Variants in GPAM observed in about 807,000 individuals in gnomAD.
The protein encoded by GPAM is glycerol-3-phosphate acyltransferase, mitochondrial.
GPAM carries 56 observed loss-of-function variants against 105.0 expected under a neutral mutation model. The observed-to-expected ratio is 0.53, with a 90% CI of 0.43 to 0.67. GPAM has a LOEUF of 0.67. Ranked by LOEUF, GPAM falls within the 30% of genes least tolerant of loss-of-function variation. The probability of loss-of-function intolerance (pLI) is 0.00; values close to 1 mark genes in which losing one functional copy is unlikely to be tolerated. For synonymous variants in GPAM, 368 were observed against 354.4 expected (o/e 1.04, Z -0.43); for missense variants, 855 against 989.8 (o/e 0.86, Z 1.83).
At chr10:112,194,440 A>T (rs1239343691) in intron 1 of GPAM, among the ~76,000 whole-genome samples, 2 of 152,228 alleles carry the variant, frequency 1.3e-5, no homozygotes, top group African/African-American at 4.8e-5. Context: ...CTCTGCGGAC[A>T]CTATGTCTTT....
chr10:112,191,199 G>C (rs1235928687), intron 1 of GPAM, among the ~76,000 whole-genome samples: 2 of 152,218 alleles, frequency 1.3e-5, no homozygotes, highest in Non-Finnish European at 2.9e-5. Context: ...GGACAGCCTA[G>C]AATGGAAAGT....
chr10:112,184,930 A>G (rs1482902785), upstream of GPAM, among the ~76,000 whole-genome samples: 1 of 152,230 alleles, frequency 6.6e-6, no homozygotes, highest in African/African-American at 2.4e-5. Context: ...ATAATCATGT[A>G]TGAAGAAAAG....
intron 1 of GPAM, among the ~76,000 whole-genome samples, chr10:112,194,723 G>C (rs1288370275): frequency 6.6e-6 from 1 of 152,068 alleles, no homozygotes; most frequent in East Asian, 1.9e-4. Flanking sequence ...TCCCAGCTCT[G>C]GGTGTAAAGA....
the GPAM span, among the ~76,000 whole-genome samples, chr10:112,226,400 A>G: frequency 6.6e-6 from 1 of 152,162 alleles, no homozygotes; most frequent in Non-Finnish European, 1.5e-5. Flanking sequence ...AGTGTGAGCC[A>G]TTTCCCACTG....
In GPAM at chr10:112,152,201, T is replaced by C; in HGVS notation, c.*1349A>G. ...TCTGGAAAAATTCTTAATTCCATAA[T>C]ATCTTGGAGATAAGCAACAGTAAAC... On this transcript the variant is annotated 3_prime_UTR_variant, in exon 22 of 22. Coordinates refer to ENST00000348367, the MANE Select transcript of GPAM (RefSeq NM_001244949.2). 1.0e-6 allele frequency: 1 copy of C among 976,628 alleles called. No individual in the cohort carries two copies. 60.5% of individuals were successfully genotyped at this position (976,628 alleles called of 1,614,324 possible).
chr10:112,179,241 G>A (rs976749537), intron 4 of GPAM, among the ~76,000 whole-genome samples: 1 of 152,164 alleles, frequency 6.6e-6, no homozygotes, highest in South Asian at 2.1e-4. Context: ...ATTGTCTGTT[G>A]TACTATCTAC....
chr10:112,219,561 C>A (rs574316050), upstream of GPAM, among the ~76,000 whole-genome samples: 70 of 152,300 alleles, frequency 4.6e-4, no homozygotes, highest in African/African-American at 1.6e-3. Flanking sequence ...ACTCCAAAAT[C>A]CATAATTTTT....
intron 1 of GPAM, among the ~76,000 whole-genome samples, chr10:112,208,434 T>A: frequency 6.6e-6 from 1 of 152,228 alleles, no homozygotes; most frequent in Middle Eastern, 3.2e-3. Context: ...AAGTGGATAC[T>A]TGAGGCATTA....
chr10:112,226,838 T>C, the GPAM span, among the ~76,000 whole-genome samples: 1 of 152,160 alleles, frequency 6.6e-6, no homozygotes, highest in South Asian at 2.1e-4. Context: ...CGAGGGGTTT[T>C]ATGCCCTGAG....
intron 1 of GPAM, among the ~76,000 whole-genome samples, chr10:112,209,535 A>C (rs1847888277): frequency 1.3e-5 from 2 of 152,186 alleles, no homozygotes; most frequent in South Asian, 2.1e-4. Flanking sequence ...CCTCTCCCAC[A>C]TTGCCTGCAG....
chr10:112,180,385 G>A, intron 4 of GPAM, 88 bp downstream of exon 4: 1 of 1,260,958 alleles, frequency 7.9e-7, no homozygotes, highest in South Asian at 1.2e-5. Context: ...TTCTGAAAGT[G>A]AATTTAGTCC....
At chr10:112,220,764 T>A in the GPAM span, among the ~76,000 whole-genome samples, 1 of 152,104 alleles carries the variant, frequency 6.6e-6, no homozygotes, top group Non-Finnish European at 1.5e-5. Context: ...TGTTACCCAA[T>A]GATGTGTACC....
rs1846928432 is a variant in GPAM at position 112,152,001 on chromosome 10, A to G, written c.*1549T>C. On this transcript the variant is annotated 3_prime_UTR_variant, in exon 22 of 22. Coordinates refer to ENST00000348367, the MANE Select transcript of GPAM (RefSeq NM_001244949.2). Reference sequence around the variant, plus strand: ...ATCACAACAGCATAGCATTATTGCTATGAGTTTCAAACATGGTATTTCATA... The same window carrying G: ...ATCACAACAGCATAGCATTATTGCTGTGAGTTTCAAACATGGTATTTCATA... 2 of 979,842 alleles carry G rather than the reference A, an allele frequency of 2.0e-6. No individual in the cohort carries two copies. Among genetic ancestry groups the G allele is most frequent in the African/African-American group, 1.7e-5 (1 of 57,260 alleles). 60.7% of individuals were successfully genotyped at this position (979,842 alleles called of 1,614,324 possible).
At position 112,158,397 on chromosome 10, in the gene GPAM, A is replaced by T. The variant is rs772752005; in HGVS notation, c.1903-4T>A. On this transcript the variant is annotated splice_region_variant and splice_polypyrimidine_tract_variant and intron_variant, in intron 17 of 21. Transcript: ENST00000348367. ...CTTGGTAAAATGTCTGGCAAGGCTGAAAAGAAAATTCATTTAAATATAAAT... is the reference window on the plus strand; with the variant it reads ...CTTGGTAAAATGTCTGGCAAGGCTGTAAAGAAAATTCATTTAAATATAAAT... The T allele has an allele frequency of 6.4e-7, 1 of 1,571,494 alleles. No homozygotes were observed. Among genetic ancestry groups the T allele is most frequent in the South Asian group, 1.1e-5 (1 of 90,248 alleles).
At chr10:112,220,883 C>CAT in the GPAM span, among the ~76,000 whole-genome samples, 2 of 151,772 alleles carry the variant, frequency 1.3e-5, no homozygotes, top group Non-Finnish European at 2.9e-5. Flanking sequence ...CACACACACA[C>CAT]GTCAACTTAC....
At position 112,168,873 on chromosome 10, in the gene GPAM, AG is replaced by A; in HGVS notation, c.873del (p.Tyr292IlefsTer9). On this transcript the variant is annotated frameshift_variant, in exon 10 of 22. Coordinates refer to ENST00000348367, the MANE Select transcript of GPAM (RefSeq NM_001244949.2). LOFTEE classifies it high-confidence loss of function. ...DETPDGRKDV[L>X]YRALLHGHIV... ...CATACCCCATGGAGCAAAGCTCTAT[AG>A]AGAACATCTTTCCGTCCATCTGGTG... 6.2e-7 allele frequency: 1 copy of A among 1,605,086 alleles called. No individual in the cohort carries two copies. Among genetic ancestry groups the A allele is most frequent in the Non-Finnish European group, 8.5e-7 (1 of 1,171,756 alleles).
upstream of GPAM, among the ~76,000 whole-genome samples, chr10:112,219,327 G>A (rs1056307735): frequency 6.6e-6 from 1 of 152,188 alleles, no homozygotes; most frequent in Non-Finnish European, 1.5e-5. Context: ...CACAGGTCAT[G>A]TCTGAGATGG....
chr10:112,156,347 C>T (rs752593573), intron 19 of GPAM: 38 of 396,240 alleles, frequency 9.6e-5, no homozygotes, highest in African/African-American at 2.7e-4. Context: ...ACTTGTGATA[C>T]GCTGTCATCA....
intron 1 of GPAM, among the ~76,000 whole-genome samples, chr10:112,193,110 T>C (rs1173815926): frequency 6.6e-6 from 1 of 152,182 alleles, no homozygotes; most frequent in Non-Finnish European, 1.5e-5. Context: ...CTAGTGAGAC[T>C]TTAATACAGA....
Sources: gnomAD v4.1 joint callset for allele counts (sites outside exome capture counted in the v4.1 genomes callset) on GRCh38, gnomAD v4.1.1 for gene constraint, MANE v1.5 for transcripts, NCBI Gene and HGNC (gene_info 2026-07-23, HGNC 2026-07-21) for gene names.